Variants in SLC5A6 observed in about 807,000 individuals in gnomAD.
SLC5A6 encodes sodium-dependent multivitamin transporter.
SLC5A6 carries 31 observed loss-of-function variants against 67.9 expected under a neutral mutation model. The ratio of observed to expected loss-of-function variants is 0.46; its 90% confidence interval spans 0.34 to 0.62. SLC5A6 has a LOEUF of 0.62. SLC5A6 is among the 20% of genes least tolerant of loss of function. The probability of loss-of-function intolerance (pLI) is 0.01; values close to 1 mark genes in which losing one functional copy is unlikely to be tolerated. For missense variants in SLC5A6, 673 were observed against 812.8 expected, an observed-to-expected ratio of 0.83 and a Z score of 2.09; for synonymous variants, 343 against 331.0, an observed-to-expected ratio of 1.04 and a Z score of -0.39.
Position 27,200,257 on chromosome 2 carries a change from G to T in SLC5A6, c.*179C>A. On this transcript the variant is annotated 3_prime_UTR_variant, in exon 17 of 17. Transcript: ENST00000310574. ...CGACGAGAAAAACGGTGCCTCACAT[G>T]CTTGAGATGTGACAGCTTCTCCTGC... 1 of 525,800 alleles carries T rather than the reference G, an allele frequency of 1.9e-6. No individual in the cohort carries two copies. The highest frequency in any genetic ancestry group is 3.2e-6 in the Non-Finnish European group (1 of 310,668). The allele number at this position is 525,800 out of a possible 1,614,324, so 32.6% of individuals were successfully genotyped here.
chr2:27,210,319 C>T (rs148460930), intron 2 of SLC5A6, among the ~76,000 whole-genome samples: 1 of 152,190 alleles, frequency 6.6e-6, no homozygotes, highest in Non-Finnish European at 1.5e-5. Flanking sequence ...TACATTGATC[C>T]AAACGCTATG....
In SLC5A6 at chr2:27,200,995, T is replaced by C; in HGVS notation, c.1764+3A>G. Reference sequence around the variant, plus strand: ...GAGGGGTCACTTGGACAGCAGGTACTACCTGGCCGTAGCTCCTGCAGTGGA... The same window carrying C: ...GAGGGGTCACTTGGACAGCAGGTACCACCTGGCCGTAGCTCCTGCAGTGGA... On this transcript the variant is annotated splice_donor_region_variant and intron_variant, in intron 16 of 16. Coordinates refer to ENST00000310574, the MANE Select transcript of SLC5A6 (RefSeq NM_021095.4). 1 of 1,598,432 alleles carries C rather than the reference T, an allele frequency of 6.3e-7. No homozygotes were observed. Among genetic ancestry groups the C allele is most frequent in the Non-Finnish European group, 8.6e-7 (1 of 1,167,214 alleles).
At chr2:27,206,261 AT>A in intron 5 of SLC5A6, 168 bp from the exon 6 acceptor site, 1 of 713,098 alleles carries the variant, frequency 1.4e-6, no homozygotes. Context: ...ACCAAAAGAT[AT>A]TGACTAACCA....
chr2:27,207,374 A>G lies in SLC5A6; in HGVS notation c.277T>C (p.Tyr93His). 1 of 1,614,208 alleles carries G rather than the reference A, an allele frequency of 6.2e-7. No individual in the cohort carries two copies. The highest frequency in any genetic ancestry group is 8.5e-7 in the Non-Finnish European group (1 of 1,180,028). Residue 93 changes from tyrosine to histidine, a missense_variant, in exon 3 of 17, where the codon TAC (tyrosine) becomes CAC (histidine). Tyr to His is a moderately conservative substitution (Grantham distance 83). Coordinates refer to ENST00000310574, the MANE Select transcript of SLC5A6 (RefSeq NM_021095.4). The surrounding 1 kb of genome is among the most constrained non-coding windows in gnomAD (Gnocchi z 5.5). ...VAILGVPSEIYRFGTQYWFLG... is the reference protein window; with the variant it reads ...VAILGVPSEIHRFGTQYWFLG... ...AACCAATATTGGGTCCCAAATCGGT[A>G]GATCTCTGACGGCACACCCAGGATG...
upstream of SLC5A6, chr2:27,212,785 G>A: frequency 1.5e-6 from 1 of 688,136 alleles, no homozygotes; most frequent in East Asian, 4.0e-5. Context: ...TATATCGTGC[G>A]GTGGTAGGGC....
In SLC5A6 at chr2:27,212,122, C is replaced by T; in HGVS notation, c.-310G>A. ...GAGTCTGCAGTCGGCTCCGGGAAGC[C>T]GCGCGGCGACGGGGGAGGCCTTCAC... On this transcript the variant is annotated 5_prime_UTR_variant, in exon 1 of 17. Coordinates refer to ENST00000310574, the MANE Select transcript of SLC5A6 (RefSeq NM_021095.4). The T allele has an allele frequency of 6.7e-7, 1 of 1,502,174 alleles. No homozygotes were observed. The highest frequency in any genetic ancestry group is 8.8e-7 in the Non-Finnish European group (1 of 1,130,134). The allele number at this position is 1,502,174 out of a possible 1,614,324, so 93.1% of individuals were successfully genotyped here.
rs1674121668 is a variant in SLC5A6 at position 27,206,962 on chromosome 2, G to C, written c.394-20C>G. ...CAGGTACTGGGTATACAGAAAAAAA[G>C]ATTTTTCTCCTGACTTCACCCCGAC... On this transcript the variant is annotated intron_variant, in intron 3 of 16. Coordinates refer to ENST00000310574, the MANE Select transcript of SLC5A6 (RefSeq NM_021095.4). The C allele has an allele frequency of 6.3e-7, 1 of 1,597,764 alleles. No individual in the cohort carries two copies. The highest frequency in any genetic ancestry group is 8.6e-7 in the Non-Finnish European group (1 of 1,165,186).
At chr2:27,204,331 G>A in intron 9 of SLC5A6, 130 bp downstream of exon 9, 6 of 1,023,990 alleles carry the variant, frequency 5.9e-6, no homozygotes, top group Non-Finnish European at 8.6e-6. Context: ...GCATCTCAGA[G>A]TGGGAAAGGA....
At chr2:27,205,001 G>A in intron 7 of SLC5A6, 70 bp from the exon 8 acceptor site, 1 of 1,576,218 alleles carries the variant, frequency 6.3e-7, no homozygotes, top group Non-Finnish European at 8.6e-7. Flanking sequence ...CTTGGCAACA[G>A]GAGTCAGTGG....
chr2:27,212,523 C>A, upstream of SLC5A6: 1 of 1,508,172 alleles, frequency 6.6e-7, no homozygotes, highest in Non-Finnish European at 8.8e-7. Flanking sequence ...AGCCGTGCGT[C>A]GCGCTCGCCA....
rs780056813 is a variant in SLC5A6 at position 27,201,117 on chromosome 2, A to C, written c.1649-4T>G. Reference sequence around the variant, plus strand: ...AGGGACCGGCCTCGCATTCTCCCTGAATGGAAATGTGCTTCTGAGTCTCTG... The same window carrying C: ...AGGGACCGGCCTCGCATTCTCCCTGCATGGAAATGTGCTTCTGAGTCTCTG... On this transcript the variant is annotated splice_region_variant and splice_polypyrimidine_tract_variant and intron_variant, in intron 15 of 16. Transcript: ENST00000310574. The C allele has an allele frequency of 3.1e-6, 5 of 1,605,172 alleles. No homozygotes were observed. The African/African-American group carries it at 4.0e-5, about 13-fold the overall frequency.
In SLC5A6 at chr2:27,212,079, G is replaced by A. The variant is rs1202379473; in HGVS notation, c.-267C>T. On this transcript the variant is annotated 5_prime_UTR_variant, in exon 1 of 17. Coordinates refer to ENST00000310574, the MANE Select transcript of SLC5A6 (RefSeq NM_021095.4). ...GCCGCGACCTCGGCGTCCGGACGCG[G>A]GGAACACCGGGCTGAGGGAGTCTGC... 7.6e-7 allele frequency: 1 copy of A among 1,313,904 alleles called. No individual in the cohort carries two copies. Among genetic ancestry groups the A allele is most frequent in the Non-Finnish European group, 1.0e-6 (1 of 985,050 alleles). The allele number at this position is 1,313,904 out of a possible 1,614,324, so 81.4% of individuals were successfully genotyped here. A position where few individuals can be genotyped will look rare whatever the true frequency, so the allele number is the denominator to read the frequency against.
intron 12 of SLC5A6, among the ~76,000 whole-genome samples, chr2:27,202,514 A>G (rs1318915070): frequency 6.7e-6 from 1 of 148,338 alleles, no homozygotes; most frequent in African/African-American, 2.5e-5. Flanking sequence ...AAAAAAAAAA[A>G]AAAAAAAAAA....
intron 1 of SLC5A6, 49 bp downstream of exon 1, chr2:27,211,971 C>CCCCCTGCCCG: frequency 1.9e-6 from 1 of 528,174 alleles, no homozygotes; most frequent in Non-Finnish European, 3.1e-6. Context: ...GGGGGCCCCG[C>CCCCCTGCCCG]CCCCTGCCCG....
At position 27,200,562 on chromosome 2, in the gene SLC5A6, G is replaced by A. The variant is rs1292897802; in HGVS notation, c.1782C>T (p.Gly594=). Residue 594 remains glycine (G), a synonymous_variant, in exon 17 of 17, where the codon GGC becomes GGT. Transcript: ENST00000310574. ...CATTCCTCGGCTTCTCAGGAAACAG[G>A]CCAGTGTCGAGGTGGTCCTGCAAAC... is the stretch of plus-strand genomic sequence containing the variant. ...RSYGQDHLDT[G]LFPEKPRNGV... 2 of 1,613,264 alleles carry A rather than the reference G, an allele frequency of 1.2e-6. No homozygotes were observed. Among genetic ancestry groups the A allele is most frequent in the Non-Finnish European group, 1.7e-6 (2 of 1,179,572 alleles).
chr2:27,204,324 T>C (rs553801486), intron 9 of SLC5A6, 137 bp downstream of exon 9: 38 of 955,888 alleles, frequency 4.0e-5, no homozygotes, highest in Non-Finnish European at 5.6e-5. Flanking sequence ...ATTCCTAGCA[T>C]CTCAGAGTGG....
intron 10 of SLC5A6, 133 bp downstream of exon 10, chr2:27,203,646 G>C (rs1275521): frequency 0.96 from 687,155 of 713,480 alleles, 333,170 homozygotes; most frequent in East Asian, 1. Context: ...CCCTTGTCAT[G>C]CACACAGATG....
Position 27,201,865 on chromosome 2 carries a change from A to G in SLC5A6, c.1363-18T>C, listed in dbSNP as rs376214236. ...ACAGCACCCTGCCGAGACACAGTGC[A>G]GGCCTGTCACAAGGCCAGTCCTGCC... On this transcript the variant is annotated intron_variant, in intron 13 of 16. Coordinates refer to ENST00000310574, the MANE Select transcript of SLC5A6 (RefSeq NM_021095.4). 6.2e-7 allele frequency: 1 copy of G among 1,613,086 alleles called. No individual in the cohort carries two copies. The highest frequency in any genetic ancestry group is 1.3e-5 in the African/African-American group (1 of 74,912).
At chr2:27,210,561 G>C (rs1674402045) in intron 2 of SLC5A6, among the ~76,000 whole-genome samples, 2 of 151,436 alleles carry the variant, frequency 1.3e-5, no homozygotes, top group South Asian at 2.1e-4. Context: ...CTCCTGAGTA[G>C]CTGGGACTAC....
Sources: allele counts gnomAD v4.1 joint callset (sites outside exome capture counted in the v4.1 genomes callset), GRCh38; gene constraint gnomAD v4.1.1; non-coding constraint Gnocchi (gnomAD v3.1); transcripts MANE v1.5; gene names NCBI Gene and HGNC (gene_info 2026-07-23, HGNC 2026-07-21).